The following EFCAB3 variants were observed in gnomAD, a reference collection of about 807,000 sequenced individuals.
The protein encoded by EFCAB3 is EF-hand calcium binding domain 3.
EFCAB3 carries 36 observed loss-of-function variants against 42.2 expected under a neutral mutation model. The ratio of observed to expected loss-of-function variants is 0.85; its 90% CI spans 0.65 to 1.13. EFCAB3 has a LOEUF of 1.13. Ranked by LOEUF, EFCAB3 falls within the 50% of genes most tolerant of loss-of-function variation. The probability of loss-of-function intolerance (pLI) is 0.00; values close to 1 mark genes in which losing one functional copy is unlikely to be tolerated. For synonymous variants in EFCAB3, 170 were observed against 172.8 expected (o/e 0.98, Z 0.13); for missense variants, 418 against 505.1 (o/e 0.83, Z 1.65).
chr17:62,371,906 C>T (rs1425106627), intron 1 of EFCAB3, among the ~76,000 whole-genome samples: 2 of 152,106 alleles, frequency 1.3e-5, no homozygotes, highest in African/African-American at 2.4e-5. Flanking sequence ...CGGAGGATAA[C>T]GTTTCTTACT....
chr17:62,394,102 C>T (rs773624674), intron 5 of EFCAB3, among the ~76,000 whole-genome samples: 18 of 152,012 alleles, frequency 1.2e-4, no homozygotes, highest in East Asian at 3.9e-4. Context: ...TACAGGCGCC[C>T]GCCACCATGC....
chr17:62,377,668 T>A (rs879775796), upstream of EFCAB3, among the ~76,000 whole-genome samples: 1 of 152,196 alleles, frequency 6.6e-6, no homozygotes, highest in Admixed American at 6.5e-5. Context: ...ACAGATCATC[T>A]TCCTCCTGAA....
intron 2 of EFCAB3, among the ~76,000 whole-genome samples, chr17:62,374,136 T>A (rs2070133274): frequency 6.6e-6 from 1 of 152,218 alleles, no homozygotes; most frequent in African/African-American, 2.4e-5. Flanking sequence ...ACATTCCCTT[T>A]TCTTACTCAT....
At chr17:62,383,180 T>C (rs2070219007) in intron 2 of EFCAB3, 127 bp downstream of exon 2, 2 of 798,462 alleles carry the variant, frequency 2.5e-6, no homozygotes, top group Non-Finnish European at 3.9e-6. Flanking sequence ...AAAAAGAAAA[T>C]TATTGAGATT....
chr17:62,380,656 T>TA, intron 1 of EFCAB3, 43 bp downstream of exon 1: 10 of 911,346 alleles, frequency 1.1e-5, no homozygotes, highest in Non-Finnish European at 1.3e-5. Flanking sequence ...AAGTCCTTTT[T>TA]AAAAAATCTA....
intron 8 of EFCAB3, among the ~76,000 whole-genome samples, chr17:62,412,135 G>A (rs770114770): frequency 3.3e-5 from 5 of 151,834 alleles, no homozygotes; most frequent in Non-Finnish European, 5.9e-5. Context: ...CAGCACTTTT[G>A]GAGGCCAAGG....
chr17:62,393,717 G>T (rs1017100423), intron 5 of EFCAB3, 73 bp downstream of exon 5: 1 of 1,343,360 alleles, frequency 7.4e-7, no homozygotes, highest in Non-Finnish European at 1.1e-6. Flanking sequence ...TCATTCACAG[G>T]CTTCCAGTCG....
Position 62,393,601 on chromosome 17 carries a change from T to C in EFCAB3, c.324T>C (p.Phe108=), listed in dbSNP as rs1043657570. The C allele has an allele frequency of 8.1e-6, 13 of 1,614,138 alleles. No homozygotes were observed. The highest frequency in any genetic ancestry group is 1.6e-4 in the Middle Eastern group (1 of 6,062). The change falls in exon 5 of 10, where the codon TTT becomes TTC. Residue 108 remains phenylalanine, a synonymous_variant. Transcript: ENST00000305286. ...DRDGKVNFSD[F]IKVLTDKNLF... is the part of the protein sequence containing the mutation. ...ATGGGAAGGTGAACTTCTCAGACTT[T>C]ATCAAGGTTCTAACAGATAAGAATC...
intron 8 of EFCAB3, among the ~76,000 whole-genome samples, chr17:62,408,910 C>A (rs1297457620): frequency 6.6e-6 from 1 of 152,178 alleles, no homozygotes. Context: ...TAGCTCTCCC[C>A]TCACCTCTTT....
chr17:62,371,106 A>T (rs1265377651), intron 1 of EFCAB3, among the ~76,000 whole-genome samples: 1 of 151,714 alleles, frequency 6.6e-6, no homozygotes, highest in East Asian at 1.9e-4. Flanking sequence ...AAAAAAGAAA[A>T]AAAAAAAAGA....
At chr17:62,372,368 G>A (rs953477133) in intron 1 of EFCAB3, among the ~76,000 whole-genome samples, 1 of 151,960 alleles carries the variant, frequency 6.6e-6, no homozygotes, top group Non-Finnish European at 1.5e-5. Context: ...TGCAACCTCC[G>A]TCTCCTGGGT....
chr17:62,393,884 T>C (rs925162010), intron 5 of EFCAB3, among the ~76,000 whole-genome samples: 2 of 152,080 alleles, frequency 1.3e-5, no homozygotes, highest in African/African-American at 4.8e-5. Context: ...CCCTTTGGTC[T>C]CCAACGAGAA....
At chr17:62,406,409 C>A in intron 6 of EFCAB3, 71 bp from the exon 7 acceptor site, 3 of 1,306,040 alleles carry the variant, frequency 2.3e-6, no homozygotes, top group Non-Finnish European at 3.1e-6. Flanking sequence ...ATGTAACTAG[C>A]AACTTGACTT....
chr17:62,398,111 A>G, intron 6 of EFCAB3: 2 of 303,740 alleles, frequency 6.6e-6, no homozygotes, highest in South Asian at 8.5e-5. Flanking sequence ...TTGGCCCTAT[A>G]CAAAGGCACG....
At chr17:62,402,643 C>T (rs986208287) in intron 6 of EFCAB3, among the ~76,000 whole-genome samples, 1 of 152,146 alleles carries the variant, frequency 6.6e-6, no homozygotes, top group Non-Finnish European at 1.5e-5. Flanking sequence ...ATGAAGCCCA[C>T]TTGATCATGG....
At chr17:62,389,979 G>C (rs996001197) in intron 3 of EFCAB3, among the ~76,000 whole-genome samples, 2 of 151,928 alleles carry the variant, frequency 1.3e-5, no homozygotes, top group Non-Finnish European at 2.9e-5. Context: ...GTAGAGACAG[G>C]GTTTCACCAT....
At chr17:62,397,383 G>A (rs541229897) in intron 6 of EFCAB3, 6 of 372,420 alleles carry the variant, frequency 1.6e-5, no homozygotes, top group South Asian at 4.9e-5. Context: ...ACTCAGGCCC[G>A]TGGTGCCAGC....
intron 1 of EFCAB3, among the ~76,000 whole-genome samples, chr17:62,371,942 G>C (rs1199359431): frequency 6.6e-6 from 1 of 152,202 alleles, no homozygotes; most frequent in African/African-American, 2.4e-5. Context: ...TGTTGTCAGA[G>C]AGTTTCCATT....
chr17:62,370,677 G>GTA (rs2070108707), intron 1 of EFCAB3, among the ~76,000 whole-genome samples: 1 of 151,628 alleles, frequency 6.6e-6, no homozygotes, highest in Non-Finnish European at 1.5e-5. Flanking sequence ...AAGAAGAAGT[G>GTA]TACTTTTGTC....
Sources: allele counts gnomAD v4.1 joint callset (sites outside exome capture counted in the v4.1 genomes callset), GRCh38; gene constraint gnomAD v4.1.1; transcripts MANE v1.5; gene names NCBI Gene and HGNC (gene_info 2026-07-23, HGNC 2026-07-21).